The following CRYBG2 variants were observed in gnomAD, a reference collection of about 807,000 sequenced individuals.
CRYBG2 encodes the protein crystallin beta-gamma domain containing 2, also known as beta/gamma crystallin domain-containing protein 2.
A neutral mutation model predicts 153.4 loss-of-function variants in CRYBG2; 106 were observed. The ratio of observed to expected loss-of-function variants is 0.69; its 90% CI spans 0.59 to 0.81. The LOEUF (loss-of-function observed/expected upper bound fraction) is 0.81, where lower values mean the gene tolerates loss of function less well. CRYBG2 is among the 30% of genes least tolerant of loss of function. The pLI is 0.00. For synonymous variants in CRYBG2, 851 were observed against 877.8 expected (o/e 0.97, Z 0.54); for missense variants, 1,996 against 2,112.0 (o/e 0.95, Z 1.08).
At position 26,343,381 on chromosome 1, in the gene CRYBG2, C is replaced by T; in HGVS notation, c.2914-88G>A. 31 of 1,445,572 alleles carry T rather than the reference C, an allele frequency of 2.1e-5. No individual in the cohort carries two copies. The highest frequency in any genetic ancestry group is 2.8e-5 in the Non-Finnish European group (29 of 1,052,558). The allele number at this position is 1,445,572 out of a possible 1,614,324, so 89.5% of individuals were successfully genotyped here. A position where few individuals can be genotyped will look rare whatever the true frequency, so the allele number is the denominator to read the frequency against. On this transcript the variant is annotated intron_variant, in intron 2 of 19. Coordinates refer to ENST00000308182, the MANE Select transcript of CRYBG2 (RefSeq NM_001039775.4). This position sits in a 1 kb window ranked among gnomAD's most constrained non-coding sequence, Gnocchi z 4.1. ...CCCGCCATTCCAAGGATCCCACATC[C>T]TCCCTATTAACCTCCACCCGCAAGG...
At chr1:26,335,007 G>A (rs1244492822) in intron 14 of CRYBG2, among the ~76,000 whole-genome samples, 1 of 152,002 alleles carries the variant, frequency 6.6e-6, no homozygotes, top group Non-Finnish European at 1.5e-5. Flanking sequence ...ACTATTAGTT[G>A]TAATAAGGGC....
In CRYBG2 at chr1:26,346,593, C is replaced by CA. The variant is rs748225063; in HGVS notation, c.64dup (p.Trp22LeufsTer35). On this transcript the variant is annotated frameshift_variant, in exon 2 of 20. Coordinates refer to ENST00000308182, the MANE Select transcript of CRYBG2 (RefSeq NM_001039775.4). LOFTEE classifies it high-confidence loss of function. This position sits in a 1 kb window ranked among gnomAD's most constrained non-coding sequence, Gnocchi z 4.9. ...TTCCTGGGTGGGGGGCCGCTGCCGC[C>CA]ATGTCAATGTGGCACTTACCACTCG... The CA allele has an allele frequency of 6.3e-7, 1 of 1,590,484 alleles. No homozygotes were observed. Among genetic ancestry groups the CA allele is most frequent in the Middle Eastern group, 1.7e-4 (1 of 6,032 alleles).
In CRYBG2 at chr1:26,337,351, G is replaced by C. The variant is rs145909949; in HGVS notation, c.3673C>G (p.Arg1225Gly). ...CWVGYEKEGF[R>G]GHQYLLEEGE... ...TCCTCCAGCAGATACTGGTGGCCCCGGAAGCCCTCCTTCTCGTAGCCCACC... is the reference window on the plus strand; with the variant it reads ...TCCTCCAGCAGATACTGGTGGCCCCCGAAGCCCTCCTTCTCGTAGCCCACC... The change falls in exon 10 of 20, where the codon CGG (arginine) becomes GGG (glycine). Residue 1225 changes from arginine (R) to glycine (G), a missense_variant. Coordinates refer to ENST00000308182, the MANE Select transcript of CRYBG2 (RefSeq NM_001039775.4). 6.2e-7 allele frequency: 1 copy of C among 1,613,858 alleles called. No homozygotes were observed. Among genetic ancestry groups the C allele is most frequent in the African/African-American group, 1.3e-5 (1 of 74,994 alleles).
chr1:26,344,823 G>A lies in CRYBG2; in HGVS notation c.1835C>T (p.Thr612Ile), dbSNP rs755008889. The part of the protein sequence containing the change: ...GPCAPAASSP[T>I]QKEVVQGSGA... ...AGACCCCTGCACCACCTCCTTCTGGGTGGGAGATGAGGCAGCAGGAGCACA... is the reference window on the plus strand; with the variant it reads ...AGACCCCTGCACCACCTCCTTCTGGATGGGAGATGAGGCAGCAGGAGCACA... The change falls in exon 2 of 20, where the codon ACC (threonine) becomes ATC (isoleucine). Residue 612 changes from threonine to isoleucine, a missense_variant. Transcript: ENST00000308182. The A allele has an allele frequency of 3.9e-6, 6 of 1,534,772 alleles. No homozygotes were observed. The highest frequency in any genetic ancestry group is 5.2e-6 in the Non-Finnish European group (6 of 1,146,000).
chr1:26,327,685 G>A lies in CRYBG2; in HGVS notation c.4578+524C>T, dbSNP rs148208693. Among the ~76,000 whole-genome samples the A allele has an allele frequency of 4.8e-3, 722 of 151,590 alleles. 6 individuals are homozygous for A. Among genetic ancestry groups the A allele is most frequent in the African/African-American group, 0.016 (675 of 41,332 alleles). On this transcript the variant is annotated intron_variant, in intron 17 of 19. Transcript: ENST00000308182. The stretch of plus-strand genomic sequence containing the variant: ...AAAAGGGCTGGGCATGGTGGCTCAC[G>A]TCTGTAATCCCAGCACTTTGGGAGG...
In CRYBG2 at chr1:26,343,400, C is replaced by T. The variant is rs1257586891; in HGVS notation, c.2914-107G>A. On this transcript the variant is annotated intron_variant, in intron 2 of 19. Coordinates refer to ENST00000308182, the MANE Select transcript of CRYBG2 (RefSeq NM_001039775.4). The surrounding 1 kb of genome is among the most constrained non-coding windows in gnomAD (Gnocchi z 4.1). ...CACATCCTCCCTATTAACCTCCACCCGCAAGGAGCTGGCGCATAGAGGATG... is the reference window on the plus strand; with the variant it reads ...CACATCCTCCCTATTAACCTCCACCTGCAAGGAGCTGGCGCATAGAGGATG... 1.9e-5 allele frequency: 25 copies of T among 1,314,464 alleles called. No homozygotes were observed. Among genetic ancestry groups the T allele is most frequent in the Middle Eastern group, 2.1e-4 (1 of 4,744 alleles). 81.4% of individuals were successfully genotyped at this position (1,314,464 alleles called of 1,614,324 possible). A position where few individuals can be genotyped will look rare whatever the true frequency, so the allele number is the denominator to read the frequency against.
At chr1:26,337,818 A>G (rs2074080809) in intron 8 of CRYBG2, 144 bp from the exon 9 acceptor site, 3 of 1,329,840 alleles carry the variant, frequency 2.3e-6, no homozygotes, top group Non-Finnish European at 3.1e-6. Flanking sequence ...CCCAATTCCT[A>G]TCTCTACTCT....
intron 6 of CRYBG2, among the ~76,000 whole-genome samples, chr1:26,338,937 A>G (rs1442617683): frequency 6.6e-6 from 1 of 152,232 alleles, no homozygotes; most frequent in Non-Finnish European, 1.5e-5. Flanking sequence ...ACAAATATTT[A>G]GAAGCATCTG....
chr1:26,352,866 C>T (rs900514701), intron 1 of CRYBG2, among the ~76,000 whole-genome samples: 1 of 151,688 alleles, frequency 6.6e-6, no homozygotes, highest in Non-Finnish European at 1.5e-5. Context: ...TCAGAGCCAG[C>T]CTGGGTCCTA....
At chr1:26,337,011 C>T (rs766760208) in intron 10 of CRYBG2, 31 bp from the exon 11 acceptor site, 3 of 1,611,066 alleles carry the variant, frequency 1.9e-6, no homozygotes, top group South Asian at 2.2e-5. Flanking sequence ...AGGTCTCTCC[C>T]GCCCACAAAC....
intron 15 of CRYBG2, 88 bp downstream of exon 15, chr1:26,331,401 T>C: frequency 6.5e-7 from 1 of 1,544,078 alleles, no homozygotes; most frequent in Non-Finnish European, 8.8e-7. Flanking sequence ...AATCAACCCC[T>C]GCACCAGCAC....
At chr1:26,338,536 G>T (rs756361437) in intron 6 of CRYBG2, 59 bp from the exon 7 acceptor site, 5 of 1,500,118 alleles carry the variant, frequency 3.3e-6, no homozygotes, top group Middle Eastern at 1.8e-4. Context: ...GACACAGATT[G>T]GTGGGCGGGA....
In CRYBG2 at chr1:26,346,765, A is replaced by G; in HGVS notation, c.-55-53T>C. 1 of 1,247,488 alleles carries G rather than the reference A, an allele frequency of 8.0e-7. No individual in the cohort carries two copies. The highest frequency in any genetic ancestry group is 1.5e-5 in the African/African-American group (1 of 65,900). The allele number at this position is 1,247,488 out of a possible 1,614,324, so 77.3% of individuals were successfully genotyped here. On this transcript the variant is annotated intron_variant, in intron 1 of 19. Coordinates refer to ENST00000308182, the MANE Select transcript of CRYBG2 (RefSeq NM_001039775.4). This position sits in a 1 kb window ranked among gnomAD's most constrained non-coding sequence, Gnocchi z 4.9. ...CAGAGGGTGGTGAGAGTGGCTTCCTAAAGTGCAGAATAACCACCCCTACCC... is the reference window on the plus strand; with the variant it reads ...CAGAGGGTGGTGAGAGTGGCTTCCTGAAGTGCAGAATAACCACCCCTACCC...
chr1:26,343,408 G>T lies in CRYBG2; in HGVS notation c.2914-115C>A. 1 of 1,257,926 alleles carries T rather than the reference G, an allele frequency of 7.9e-7. No homozygotes were observed. Among genetic ancestry groups the T allele is most frequent in the Non-Finnish European group, 1.1e-6 (1 of 884,546 alleles). The allele number at this position is 1,257,926 out of a possible 1,614,324, so 77.9% of individuals were successfully genotyped here. A position where few individuals can be genotyped will look rare whatever the true frequency, so the allele number is the denominator to read the frequency against. ...CCCTATTAACCTCCACCCGCAAGGA[G>T]CTGGCGCATAGAGGATGCTCACACT... On this transcript the variant is annotated intron_variant, in intron 2 of 19. Coordinates refer to ENST00000308182, the MANE Select transcript of CRYBG2 (RefSeq NM_001039775.4). This position sits in a 1 kb window ranked among gnomAD's most constrained non-coding sequence, Gnocchi z 4.1.
Position 26,345,410 on chromosome 1 carries a change from A to T in CRYBG2, c.1248T>A (p.Pro416=), listed in dbSNP as rs772266468. The T allele has an allele frequency of 1.2e-6, 2 of 1,611,584 alleles. No individual in the cohort carries two copies. The highest frequency in any genetic ancestry group is 4.5e-5 in the East Asian group (2 of 44,862). The part of the protein sequence containing the change: ...PMVRSEHVTV[P]GQPPAPSTTR... The stretch of plus-strand genomic sequence containing the variant: ...TAGTGGATGGAGCAGGAGGTTGTCC[A>T]GGGACTGTCACATGCTCGCTCCTCA... The change falls in exon 2 of 20, where the codon CCT becomes CCA. Residue 416 remains proline, a synonymous_variant. Transcript: ENST00000308182.
rs1047552344 is a variant in CRYBG2, at chr1:26,333,623, T to C, written c.4185-2005A>G. On this transcript the variant is annotated intron_variant, in intron 14 of 19. Coordinates refer to ENST00000308182, the MANE Select transcript of CRYBG2 (RefSeq NM_001039775.4). ...GCTCATATTCTCTCTCTTCACTACATGAGAACACAGCAAGAAGGTGGCCTT... is the reference window on the plus strand; with the variant it reads ...GCTCATATTCTCTCTCTTCACTACACGAGAACACAGCAAGAAGGTGGCCTT... Among the ~76,000 whole-genome samples the C allele has an allele frequency of 4.6e-5, 7 of 151,458 alleles. No individual in the cohort carries two copies. The East Asian group carries it at 1.4e-3, about 29-fold the overall frequency.
At position 26,336,521 on chromosome 1, in the gene CRYBG2, C is replaced by G; in HGVS notation, c.4038+85G>C. On this transcript the variant is annotated intron_variant, in intron 12 of 19. Transcript: ENST00000308182. The surrounding 1 kb of genome is among the most constrained non-coding windows in gnomAD (Gnocchi z 4.9). ...CAAGCGCCCAGGCAGGTCCTCCAGC[C>G]CGCTACCTCTGCGTGGGGGCGGGGC... 6.5e-7 allele frequency: 1 copy of G among 1,544,234 alleles called. No homozygotes were observed. Among genetic ancestry groups the G allele is most frequent in the Non-Finnish European group, 8.7e-7 (1 of 1,143,856 alleles).
chr1:26,344,409 T>A lies in CRYBG2; in HGVS notation c.2249A>T (p.Glu750Val). 1 of 1,521,552 alleles carries A rather than the reference T, an allele frequency of 6.6e-7. No individual in the cohort carries two copies. Among genetic ancestry groups the A allele is most frequent in the Non-Finnish European group, 8.8e-7 (1 of 1,131,464 alleles). The allele number at this position is 1,521,552 out of a possible 1,614,324, so 94.3% of individuals were successfully genotyped here. ...SDPTEGKTCT[E>V]TSREEDEVAL... ...CACCTCATCCTCCTCCCTTGATGTCTCTGTGCACGTCTTGCCCTCGGTGGG... is the reference window on the plus strand; with the variant it reads ...CACCTCATCCTCCTCCCTTGATGTCACTGTGCACGTCTTGCCCTCGGTGGG... The change falls in exon 2 of 20, where the codon GAG becomes GTG. Residue 750 changes from glutamate to valine, a missense_variant. Physicochemically the swap from Glu to Val is moderately radical, Grantham distance 121 (BLOSUM62 -2). Transcript: ENST00000308182.
In CRYBG2 at chr1:26,337,628, A is replaced by G. The variant is rs751476783; in HGVS notation, c.3554T>C (p.Val1185Ala). ...CTGAAGGTTGTAGATGTCTCGGCTC[A>G]CTTCCCAGCTGCGGCCCTGAAAGCC... The part of the protein sequence containing the change: ...APGFQGRSWE[V>A]SRDIYNLQQP... Residue 1185 changes from valine to alanine, a missense_variant, in exon 9 of 20, where the codon GTG becomes GCG. Val to Ala is a moderately conservative substitution (Grantham distance 64). Transcript: ENST00000308182. The G allele has an allele frequency of 1.9e-6, 3 of 1,612,910 alleles. No homozygotes were observed. Among genetic ancestry groups the G allele is most frequent in the Non-Finnish European group, 2.5e-6 (3 of 1,179,846 alleles).
Sources: gnomAD v4.1 joint callset for allele counts (sites outside exome capture counted in the v4.1 genomes callset) on GRCh38, gnomAD v4.1.1 for gene constraint, Gnocchi (gnomAD v3.1) non-coding constraint, MANE v1.5 for transcripts, NCBI Gene and HGNC (gene_info 2026-07-23, HGNC 2026-07-21) for gene names.